DACH1: variants seen among roughly 807,000 people sequenced by gnomAD.
DACH1 encodes the protein dachshund homolog 1.
DACH1 carries 12 observed loss-of-function variants against 54.2 expected under a neutral mutation model. That is an observed-to-expected ratio of 0.22 (90% CI 0.14 to 0.36). The LOEUF is 0.36. DACH1 is among the 10% of genes least tolerant of loss of function. DACH1 has a pLI of 1.00. For synonymous variants in DACH1, 386 were observed against 366.2 expected (o/e 1.05, Z -0.62); for missense variants, 805 against 929.8 (o/e 0.87, Z 1.75).
chr13:71,627,596 T>C (rs1014891730), intron 3 of DACH1, among the ~76,000 whole-genome samples: 1 of 152,096 alleles, frequency 6.6e-6, no homozygotes, highest in Non-Finnish European at 1.5e-5. Flanking sequence ...AGAATTCATG[T>C]GCTTCAGCAC....
chr13:71,705,761 T>C (rs1309962837), intron 1 of DACH1, among the ~76,000 whole-genome samples: 1 of 152,100 alleles, frequency 6.6e-6, no homozygotes, highest in Admixed American at 6.6e-5. Context: ...TTTCTTTTTT[T>C]TTTTAGAATC....
rs1227030426 is a variant in DACH1 at position 71,614,506 on chromosome 13, T to C, written c.1126+16050A>G. 7.2e-5 allele frequency among the ~76,000 whole-genome samples: 11 copies of C among 152,026 alleles called. No homozygotes were observed. In the East Asian group the frequency reaches 2.1e-3, roughly 29 times the overall value. On this transcript the variant is annotated intron_variant, in intron 3 of 10. Transcript: ENST00000613252. ...AACACACATATATGATGGGGAAAAG[T>C]GACACCAAGGCTAAGGATAAACATT...
intron 3 of DACH1, among the ~76,000 whole-genome samples, chr13:71,598,043 C>A (rs1284605013): frequency 6.6e-6 from 1 of 150,540 alleles, no homozygotes; most frequent in South Asian, 2.1e-4. Flanking sequence ...GGGCTCCTCT[C>A]CACTCCAGTC....
chr13:71,543,403 CAAAT>C (rs1279436929), intron 6 of DACH1, among the ~76,000 whole-genome samples: 2 of 151,818 alleles, frequency 1.3e-5, no homozygotes, highest in Non-Finnish European at 1.5e-5. Flanking sequence ...ATGATTAAAA[CAAAT>C]AATAAACTCT....
At chr13:71,726,044 C>T (rs1241121796) in intron 1 of DACH1, among the ~76,000 whole-genome samples, 2 of 152,092 alleles carry the variant, frequency 1.3e-5, no homozygotes, top group African/African-American at 4.8e-5. Flanking sequence ...TAGTGATTTA[C>T]CTAAAATTGT....
intron 6 of DACH1, among the ~76,000 whole-genome samples, chr13:71,534,242 C>T (rs1018591796): frequency 6.6e-6 from 1 of 151,892 alleles, no homozygotes; most frequent in Non-Finnish European, 1.5e-5. Flanking sequence ...TTATTGTTTA[C>T]TTTCTTGATA....
chr13:71,626,394 T>C (rs1287178618), intron 3 of DACH1, among the ~76,000 whole-genome samples: 1 of 151,938 alleles, frequency 6.6e-6, no homozygotes, highest in Admixed American at 6.6e-5. Context: ...GATTAAAACA[T>C]AGCTATAGAC....
chr13:71,698,602 C>A (rs73523441), intron 1 of DACH1, among the ~76,000 whole-genome samples: 1,973 of 151,832 alleles, frequency 0.013, 38 homozygotes, highest in African/African-American at 0.036. Context: ...GAATAAATTA[C>A]GGTGTATACT....
intron 6 of DACH1, among the ~76,000 whole-genome samples, chr13:71,556,000 C>T (rs1884225695): frequency 6.6e-6 from 1 of 152,132 alleles, no homozygotes; most frequent in Admixed American, 6.5e-5. Flanking sequence ...TATACTCCTT[C>T]TCTCTAAGGG....
intron 4 of DACH1, among the ~76,000 whole-genome samples, chr13:71,570,283 G>T (rs1003531563): frequency 6.6e-6 from 1 of 152,046 alleles, no homozygotes; most frequent in Non-Finnish European, 1.5e-5. Flanking sequence ...GCTTAGAATC[G>T]TCTCATGCCT....
intron 3 of DACH1, among the ~76,000 whole-genome samples, chr13:71,587,103 C>G (rs1873339505): frequency 6.6e-6 from 1 of 151,990 alleles, no homozygotes; most frequent in Non-Finnish European, 1.5e-5. Context: ...AATGCAAACT[C>G]CAAGTGTTTT....
At chr13:71,646,061 G>T (rs1339739197) in intron 2 of DACH1, among the ~76,000 whole-genome samples, 3 of 152,132 alleles carry the variant, frequency 2.0e-5, no homozygotes, top group Non-Finnish European at 2.9e-5. Flanking sequence ...CAATCGGCCA[G>T]GTGCGGTGGC....
intron 1 of DACH1, among the ~76,000 whole-genome samples, chr13:71,801,965 G>A (rs918601840): frequency 2.6e-5 from 4 of 152,040 alleles, no homozygotes; most frequent in Non-Finnish European, 5.9e-5. Flanking sequence ...CAATTTGAGC[G>A]CACCCTGTCC....
chr13:71,801,319 A>G (rs2138124683), intron 1 of DACH1, among the ~76,000 whole-genome samples: 1 of 152,268 alleles, frequency 6.6e-6, no homozygotes, highest in African/African-American at 2.4e-5. Context: ...CTACTAAGCC[A>G]TAGATTTATG....
chr13:71,772,027 TTAAAA>T (rs1038065292), intron 1 of DACH1, among the ~76,000 whole-genome samples: 1 of 151,576 alleles, frequency 6.6e-6, no homozygotes, highest in African/African-American at 2.4e-5. Context: ...TAAAAGGGTT[TTAAAA>T]TAAAATAATT....
At chr13:71,675,774 G>C (rs1430513744) in intron 2 of DACH1, among the ~76,000 whole-genome samples, 1 of 152,112 alleles carries the variant, frequency 6.6e-6, no homozygotes, top group Non-Finnish European at 1.5e-5. Context: ...AAATAAACCT[G>C]TTAAATTTTT....
At chr13:71,814,737 T>C (rs1887844278) in intron 1 of DACH1, among the ~76,000 whole-genome samples, 1 of 152,370 alleles carries the variant, frequency 6.6e-6, no homozygotes, top group Non-Finnish European at 1.5e-5. Flanking sequence ...TATAAATATG[T>C]TATTTGTGAC....
At chr13:71,762,898 G>T (rs968482384) in intron 1 of DACH1, among the ~76,000 whole-genome samples, 1 of 150,910 alleles carries the variant, frequency 6.6e-6, no homozygotes, top group Non-Finnish European at 1.5e-5. Context: ...TTTTTTCTCA[G>T]TCATTCCAAG....
chr13:71,829,181 C>T (rs1251637265), intron 1 of DACH1, among the ~76,000 whole-genome samples: 1 of 151,768 alleles, frequency 6.6e-6, no homozygotes, highest in Admixed American at 6.6e-5. Flanking sequence ...CATGCTTTGA[C>T]CAAGTATAAT....
Sources: allele counts gnomAD v4.1 joint callset (sites outside exome capture counted in the v4.1 genomes callset), GRCh38; gene constraint gnomAD v4.1.1; transcripts MANE v1.5; gene names NCBI Gene and HGNC (gene_info 2026-07-23, HGNC 2026-07-21).